Variants in SMYD3 observed in about 807,000 individuals in gnomAD.
SMYD3 encodes histone-lysine N-methyltransferase SMYD3.
Under a neutral mutation model 57.7 loss-of-function variants are expected in SMYD3, and 36 were observed. That is an observed-to-expected ratio of 0.62 (90% CI 0.48 to 0.82). The LOEUF (loss-of-function observed/expected upper bound fraction) is 0.82. Among genes scored for constraint, SMYD3 ranks in the 40% least tolerant of loss-of-function variants. The pLI is 0.00. For synonymous variants in SMYD3, 211 were observed against 195.0 expected (o/e 1.08, Z -0.68); for missense variants, 515 against 538.8 (o/e 0.96, Z 0.44).
chr1:246,221,123 G>A (rs1328314216), intron 5 of SMYD3, among the ~76,000 whole-genome samples: 1 of 152,078 alleles, frequency 6.6e-6, no homozygotes, highest in African/African-American at 2.4e-5. Flanking sequence ...GGAGACAACG[G>A]AACAACTAGC....
intron 5 of SMYD3, among the ~76,000 whole-genome samples, chr1:246,271,291 T>C (rs1271232037): frequency 6.6e-6 from 1 of 152,244 alleles, no homozygotes; most frequent in Non-Finnish European, 1.5e-5. Flanking sequence ...CACCAAATTT[T>C]TTAAATTTTC....
At chr1:246,274,190 CT>C (rs2064285130) in intron 5 of SMYD3, among the ~76,000 whole-genome samples, 1 of 152,094 alleles carries the variant, frequency 6.6e-6, no homozygotes, top group Non-Finnish European at 1.5e-5. Flanking sequence ...TTCCTTTTGT[CT>C]TTATGTGTCC....
chr1:245,863,755 A>G (rs760089257), intron 9 of SMYD3, 44 bp downstream of exon 9: 73 of 1,576,296 alleles, frequency 4.6e-5, no homozygotes, highest in Non-Finnish European at 5.8e-5. Context: ...GAAAACAAGG[A>G]AACAATCCCA....
intron 4 of SMYD3, among the ~76,000 whole-genome samples, chr1:246,330,104 A>G (rs2065434538): frequency 6.6e-6 from 1 of 152,184 alleles, no homozygotes; most frequent in Admixed American, 6.5e-5. Flanking sequence ...TAACCCTAAA[A>G]GCTCTGTGGA....
chr1:245,899,354 T>C (rs746873391), intron 8 of SMYD3, among the ~76,000 whole-genome samples: 3 of 152,230 alleles, frequency 2.0e-5, no homozygotes, highest in Non-Finnish European at 4.4e-5. Flanking sequence ...ACTGAAAAAT[T>C]AGTTGCAAAC....
chr1:246,089,293 T>C (rs2060780311), intron 5 of SMYD3, among the ~76,000 whole-genome samples: 1 of 152,196 alleles, frequency 6.6e-6, no homozygotes, highest in Admixed American at 6.5e-5. Flanking sequence ...GACCCTACTT[T>C]TAGAAAATTC....
chr1:245,857,087 C>T (rs1399826135), intron 10 of SMYD3, among the ~76,000 whole-genome samples: 14 of 152,224 alleles, frequency 9.2e-5, no homozygotes. Flanking sequence ...TCTACAGTCT[C>T]AGCCCTCAAG....
intron 5 of SMYD3, among the ~76,000 whole-genome samples, chr1:246,141,193 A>G (rs1165780143): frequency 6.6e-6 from 1 of 152,166 alleles, no homozygotes; most frequent in Non-Finnish European, 1.5e-5. Context: ...TACATAAGGG[A>G]GCAGTCACTT....
In SMYD3 at chr1:245,920,896, C is replaced by T. The variant is rs76191208; in HGVS notation, c.703-5256G>A. Among the ~76,000 whole-genome samples the T allele has an allele frequency of 2.6e-5, 4 of 152,242 alleles. No homozygotes were observed. In the East Asian group the frequency reaches 7.7e-4, roughly 29 times the overall value. ...GTCAGCTTTCGGAAAGAACATATGA[C>T]TAAGTCTTCAACAGCAATTGCAACA... On this transcript the variant is annotated intron_variant, in intron 7 of 11. Transcript: ENST00000490107.
Position 246,203,325 on chromosome 1 carries a change from G to A in SMYD3, c.531+123876C>T, listed in dbSNP as rs2062948527. ...TTGGGGATTTGTTCAGCCACCATCA[G>A]ACACAATCTCTGCTCCATCAATTCT... On this transcript the variant is annotated intron_variant, in intron 5 of 11. Transcript: ENST00000490107. The surrounding 1 kb of genome is among the most constrained non-coding windows in gnomAD (Gnocchi z 4.6). Among the ~76,000 whole-genome samples, 1 of 152,076 alleles carries A rather than the reference G, an allele frequency of 6.6e-6. No homozygotes were observed. The highest frequency in any genetic ancestry group is 1.5e-5 in the Non-Finnish European group (1 of 68,018).
chr1:246,255,417 T>C (rs6703420), intron 5 of SMYD3, among the ~76,000 whole-genome samples: 39,773 of 151,562 alleles, frequency 0.26, 5,929 homozygotes, highest in East Asian at 0.58. Context: ...AAGCTTTCTC[T>C]GCATCCATTG....
chr1:246,197,857 C>T (rs1249132021), intron 5 of SMYD3, among the ~76,000 whole-genome samples: 1 of 152,208 alleles, frequency 6.6e-6, no homozygotes, highest in African/African-American at 2.4e-5. Context: ...TGTATATCTA[C>T]ACTTTCTAAA....
intron 5 of SMYD3, among the ~76,000 whole-genome samples, chr1:246,309,536 T>A (rs1349641941): frequency 6.6e-6 from 1 of 152,214 alleles, no homozygotes; most frequent in Admixed American, 6.5e-5. Flanking sequence ...TCTATTTTGT[T>A]TCTCATACTC....
intron 5 of SMYD3, among the ~76,000 whole-genome samples, chr1:246,087,738 C>G (rs1180899356): frequency 6.6e-6 from 1 of 152,128 alleles, no homozygotes; most frequent in Non-Finnish European, 1.5e-5. Flanking sequence ...ATTTGCAAAG[C>G]AGAATTCCAA....
At chr1:246,320,730 C>A (rs1148725) in intron 5 of SMYD3, among the ~76,000 whole-genome samples, 2 of 152,054 alleles carry the variant, frequency 1.3e-5, no homozygotes, top group African/African-American at 2.4e-5. Flanking sequence ...GTACAATAAT[C>A]CCTAAAGAAA....
intron 1 of SMYD3, among the ~76,000 whole-genome samples, chr1:246,464,317 A>G (rs960833528): frequency 2.0e-5 from 3 of 152,062 alleles, no homozygotes; most frequent in Non-Finnish European, 4.4e-5. Context: ...GGAGTTCAAG[A>G]CCAACCTAGG....
At chr1:245,851,579 T>TA (rs2050979633) in intron 10 of SMYD3, among the ~76,000 whole-genome samples, 1 of 152,204 alleles carries the variant, frequency 6.6e-6, no homozygotes, top group Admixed American at 6.5e-5. Flanking sequence ...TCTGATTTCC[T>TA]AAAGCCCCAT....
chr1:246,387,005 A>G (rs1428582624), intron 1 of SMYD3, among the ~76,000 whole-genome samples: 1 of 152,222 alleles, frequency 6.6e-6, no homozygotes, highest in Admixed American at 6.5e-5. Flanking sequence ...TACCTATGTT[A>G]TATGACTCTC....
chr1:246,201,085 T>C (rs937472556), intron 5 of SMYD3, among the ~76,000 whole-genome samples: 1 of 152,234 alleles, frequency 6.6e-6, no homozygotes, highest in Non-Finnish European at 1.5e-5. Flanking sequence ...TGCTTTTATA[T>C]AAACCTAAGT....
Sources: gnomAD v4.1 joint callset for allele counts (sites outside exome capture counted in the v4.1 genomes callset) on GRCh38, gnomAD v4.1.1 for gene constraint, Gnocchi (gnomAD v3.1) non-coding constraint, MANE v1.5 for transcripts, NCBI Gene and HGNC (gene_info 2026-07-23, HGNC 2026-07-21) for gene names.